Variants in DCUN1D2 observed in about 807,000 individuals in gnomAD.
DCUN1D2 encodes defective in cullin neddylation 1 domain containing 2.
In DCUN1D2, 29 loss-of-function variants were observed where a neutral mutation model predicts 30.9. That is an observed-to-expected ratio of 0.94 (90% CI 0.70 to 1.28). DCUN1D2 has a LOEUF of 1.28. Among genes scored for constraint, DCUN1D2 ranks in the 50% most tolerant of loss-of-function variants. DCUN1D2 has a pLI of 0.00. For synonymous variants in DCUN1D2, 121 were observed against 115.3 expected (o/e 1.05, Z -0.32); for missense variants, 325 against 316.9 (o/e 1.03, Z -0.19).
intron 4 of DCUN1D2, among the ~76,000 whole-genome samples, chr13:113,465,825 C>A (rs1468015613): frequency 6.6e-6 from 1 of 151,906 alleles, no homozygotes; most frequent in Non-Finnish European, 1.5e-5. Flanking sequence ...CACCACCACA[C>A]CCAGATAATT....
intron 1 of DCUN1D2, among the ~76,000 whole-genome samples, chr13:113,489,892 G>C (rs768175147): frequency 1.3e-5 from 2 of 151,956 alleles, no homozygotes; most frequent in African/African-American, 2.4e-5. Flanking sequence ...CCCAACTGTG[G>C]TCAAACAATT....
chr13:113,490,670 C>T lies in DCUN1D2; in HGVS notation c.-1G>A. 13 of 1,245,140 alleles carry T rather than the reference C, an allele frequency of 1.0e-5. No individual in the cohort carries two copies. Among genetic ancestry groups the T allele is most frequent in the Non-Finnish European group, 1.3e-5 (13 of 993,204 alleles). The allele number at this position is 1,245,140 out of a possible 1,614,324, so 77.1% of individuals were successfully genotyped here. A position where few individuals can be genotyped will look rare whatever the true frequency, so the allele number is the denominator to read the frequency against. On this transcript the variant is annotated 5_prime_UTR_variant, in exon 1 of 7. Transcript: ENST00000478244. This position sits in a 1 kb window ranked among gnomAD's most constrained non-coding sequence, Gnocchi z 5.2. ...GAGGCGACGCCGGGCCACCTACCAT[C>T]TCCCCCGCGCCGCCCGCTTCTGGCC...
intron 4 of DCUN1D2, among the ~76,000 whole-genome samples, chr13:113,472,633 A>C (rs753734826): frequency 6.6e-6 from 1 of 152,158 alleles, no homozygotes; most frequent in Admixed American, 6.5e-5. Flanking sequence ...GGCACCCAAC[A>C]CCAGGAGACA....
intron 4 of DCUN1D2, among the ~76,000 whole-genome samples, chr13:113,463,711 A>C (rs1013692147): frequency 6.6e-6 from 1 of 152,162 alleles, no homozygotes; most frequent in Non-Finnish European, 1.5e-5. Context: ...AATACAGTAC[A>C]ATCTTCACAC....
In DCUN1D2 at chr13:113,475,028, CTT is replaced by C. The variant is rs113243796; in HGVS notation, c.390-776_390-775del. On this transcript the variant is annotated intron_variant, in intron 3 of 6. Transcript: ENST00000478244. ...TCGACAACAGTAAAACAAAGTCTAT[CTT>C]TGTAATTTCGACTGCACAGCAAAGC... 5.5e-3 allele frequency among the ~76,000 whole-genome samples: 843 copies of C among 152,274 alleles called. 35 individuals are homozygous for C. In the East Asian group the frequency reaches 0.12, roughly 21 times the overall value.
intron 4 of DCUN1D2, among the ~76,000 whole-genome samples, chr13:113,463,846 A>C (rs1431324859): frequency 6.6e-6 from 1 of 152,112 alleles, no homozygotes; most frequent in Non-Finnish European, 1.5e-5. Flanking sequence ...ACACAAAGGA[A>C]ATAAAGGGTA....
intron 5 of DCUN1D2, 135 bp from the exon 6 acceptor site, chr13:113,459,543 A>G (rs1294396235): frequency 9.1e-6 from 5 of 547,770 alleles, no homozygotes; most frequent in Non-Finnish European, 1.6e-5. Flanking sequence ...AATTGTTAAA[A>G]GTAATAGCGT....
Position 113,490,634 on chromosome 13 carries a change from C to T in DCUN1D2, c.3+33G>A, listed in dbSNP as rs1268373512. The T allele has an allele frequency of 2.3e-5, 28 of 1,231,222 alleles. No homozygotes were observed. The East Asian group carries it at 9.4e-4, about 41-fold the overall frequency. 76.3% of individuals were successfully genotyped at this position (1,231,222 alleles called of 1,614,324 possible). ...CTTGGGGCCCGACCCCGACCCCGACCCCGACGGGCAGAGGCGACGCCGGGC... is the reference window on the plus strand; with the variant it reads ...CTTGGGGCCCGACCCCGACCCCGACTCCGACGGGCAGAGGCGACGCCGGGC... On this transcript the variant is annotated intron_variant, in intron 1 of 6. Coordinates refer to ENST00000478244, the MANE Select transcript of DCUN1D2 (RefSeq NM_001014283.2). This position sits in a 1 kb window ranked among gnomAD's most constrained non-coding sequence, Gnocchi z 5.2.
rs528971380 is a variant in DCUN1D2 at position 113,460,172 on chromosome 13, C to T, written c.604-764G>A. 7.2e-4 allele frequency among the ~76,000 whole-genome samples: 110 copies of T among 152,336 alleles called. No individual in the cohort carries two copies. The South Asian group carries it at 9.5e-3, about 13-fold the overall frequency. On this transcript the variant is annotated intron_variant, in intron 5 of 6. Coordinates refer to ENST00000478244, the MANE Select transcript of DCUN1D2 (RefSeq NM_001014283.2). ...TGCAAAGACGTCTCTCCATGGCAAACCCACAGGACTGAGTGACGTCACCTT... is the reference window on the plus strand; with the variant it reads ...TGCAAAGACGTCTCTCCATGGCAAATCCACAGGACTGAGTGACGTCACCTT...
At chr13:113,470,686 G>C (rs1358730253) in intron 4 of DCUN1D2, among the ~76,000 whole-genome samples, 71 of 89,180 alleles carry the variant, frequency 8.0e-4, no homozygotes, top group Middle Eastern at 0.011. Flanking sequence ...CACAGGGGAC[G>C]CAACTCCACA....
chr13:113,466,872 T>C (rs1159081232), intron 4 of DCUN1D2, among the ~76,000 whole-genome samples: 2 of 148,538 alleles, frequency 1.3e-5, no homozygotes, highest in South Asian at 2.1e-4. Flanking sequence ...AGTGGCACGA[T>C]CTCGGCTCAC....
rs1321422026 is a variant in DCUN1D2 at position 113,456,500 on chromosome 13, C to T, written c.*1529G>A. 4 of 397,894 alleles carry T rather than the reference C, an allele frequency of 1.0e-5. No individual in the cohort carries two copies. Among genetic ancestry groups the T allele is most frequent in the Non-Finnish European group, 1.8e-5 (4 of 226,018 alleles). 24.6% of individuals were successfully genotyped at this position (397,894 alleles called of 1,614,324 possible). On this transcript the variant is annotated 3_prime_UTR_variant, in exon 7 of 7. Transcript: ENST00000478244. ...AGCTAGGTCATCTGCGGCGACTCTC[C>T]TCTGTGCTGGGCAGCAGCTCCAGCT... is the stretch of plus-strand genomic sequence containing the variant.
rs1393452488 is a variant in DCUN1D2 at position 113,457,543 on chromosome 13, A to C, written c.*486T>G. The C allele has an allele frequency of 6.6e-6, 1 of 152,558 alleles. No homozygotes were observed. The highest frequency in any genetic ancestry group is 2.4e-5 in the African/African-American group (1 of 41,452). The allele number at this position is 152,558 out of a possible 1,614,324, so 9.5% of individuals were successfully genotyped here. ...TGGCACCAATTTTAAAAAACATTAG[A>C]CTCTACGACAAGATCCTCTCCCTTA... is the stretch of plus-strand genomic sequence containing the variant. On this transcript the variant is annotated 3_prime_UTR_variant, in exon 7 of 7. Transcript: ENST00000478244.
intron 1 of DCUN1D2, among the ~76,000 whole-genome samples, chr13:113,487,740 T>A (rs1050064532): frequency 1.3e-5 from 2 of 152,200 alleles, no homozygotes; most frequent in Non-Finnish European, 2.9e-5. Context: ...CAGTTATCGT[T>A]CGGGGTGACA....
chr13:113,458,509 T>C (rs1287996693), intron 6 of DCUN1D2, among the ~76,000 whole-genome samples: 2 of 152,178 alleles, frequency 1.3e-5, no homozygotes, highest in African/African-American at 2.4e-5. Context: ...GACCACCCCA[T>C]TGCTCCCTTC....
Position 113,463,041 on chromosome 13 carries a change from T to C in DCUN1D2, c.521-1905A>G, listed in dbSNP as rs562054988. The stretch of plus-strand genomic sequence containing the variant: ...AAAGTAAATATATGCTTTTTCAATA[T>C]TTATTATTATTTACATAAAAATGTT... On this transcript the variant is annotated intron_variant, in intron 4 of 6. Transcript: ENST00000478244. 3 of 220,676 alleles carry C rather than the reference T, an allele frequency of 1.4e-5. No homozygotes were observed. The South Asian group carries it at 2.3e-4, about 17-fold the overall frequency. The allele number at this position is 220,676 out of a possible 1,614,324, so 13.7% of individuals were successfully genotyped here.
At chr13:113,479,754 G>A (rs1487914750) in intron 3 of DCUN1D2, among the ~76,000 whole-genome samples, 1 of 152,102 alleles carries the variant, frequency 6.6e-6, no homozygotes, top group African/African-American at 2.4e-5. Context: ...ACAAGTAGGA[G>A]TACACTCGAA....
chr13:113,467,859 C>T (rs2044431830), intron 4 of DCUN1D2, among the ~76,000 whole-genome samples: 1 of 151,708 alleles, frequency 6.6e-6, no homozygotes, highest in African/African-American at 2.4e-5. Context: ...GCCTGACCAA[C>T]ATGGAGAAAC....
upstream of DCUN1D2, chr13:113,490,757 C>T (rs2044962110): frequency 8.8e-7 from 1 of 1,136,340 alleles, no homozygotes; most frequent in Non-Finnish European, 1.1e-6. The surrounding 1 kb of genome is among the most constrained non-coding windows in gnomAD (Gnocchi z 5.2). Context: ...CGGCCGCGGC[C>T]CTCGGCTCCG....
Sources: allele counts gnomAD v4.1 joint callset (sites outside exome capture counted in the v4.1 genomes callset), GRCh38; gene constraint gnomAD v4.1.1; non-coding constraint Gnocchi (gnomAD v3.1); transcripts MANE v1.5; gene names NCBI Gene and HGNC (gene_info 2026-07-23, HGNC 2026-07-21).